CACNA2D3: variants seen among roughly 807,000 people sequenced by gnomAD.
CACNA2D3 encodes voltage-dependent calcium channel subunit alpha-2/delta-3.
CACNA2D3 carries 60 observed loss-of-function variants against 160.6 expected under a neutral mutation model. The ratio of observed to expected loss-of-function variants is 0.37; its 90% CI spans 0.30 to 0.46. CACNA2D3 has a LOEUF of 0.46. CACNA2D3 is among the 20% of genes least tolerant of loss of function. CACNA2D3 has a pLI of 1.00. For synonymous variants in CACNA2D3, 558 were observed against 492.9 expected (o/e 1.13, Z -1.75); for missense variants, 1,205 against 1,365.0 (o/e 0.88, Z 1.85).
At chr3:54,876,548 C>A (rs1699663399) in intron 18 of CACNA2D3, among the ~76,000 whole-genome samples, 1 of 152,156 alleles carries the variant, frequency 6.6e-6, no homozygotes. Context: ...TTTTTAAAAA[C>A]TCAGAAATAA....
chr3:54,237,449 C>T (rs1701901463), intron 2 of CACNA2D3, among the ~76,000 whole-genome samples: 1 of 152,068 alleles, frequency 6.6e-6, no homozygotes, highest in African/African-American at 2.4e-5. Flanking sequence ...TGTGTATTTC[C>T]TGCTAAGCTA....
intron 31 of CACNA2D3, among the ~76,000 whole-genome samples, chr3:54,999,038 G>A (rs964282999): frequency 3.3e-5 from 5 of 152,142 alleles, no homozygotes; most frequent in African/African-American, 4.8e-5. Flanking sequence ...GAGCCACCGC[G>A]CCCGGCCAGC....
chr3:54,302,993 T>C (rs1703514204), intron 2 of CACNA2D3, among the ~76,000 whole-genome samples: 1 of 152,068 alleles, frequency 6.6e-6, no homozygotes, highest in Non-Finnish European at 1.5e-5. Context: ...GTCTCTTGTC[T>C]CTGGTCTTTC....
chr3:54,187,960 G>A (rs778729373), intron 2 of CACNA2D3, among the ~76,000 whole-genome samples: 2 of 151,992 alleles, frequency 1.3e-5, no homozygotes, highest in African/African-American at 2.4e-5. Context: ...AGGATGACCT[G>A]ATGTTTATCA....
intron 13 of CACNA2D3, among the ~76,000 whole-genome samples, chr3:54,791,180 T>C (rs1287202080): frequency 1.3e-5 from 2 of 152,234 alleles, no homozygotes; most frequent in East Asian, 3.9e-4. Flanking sequence ...ATTGATTCCA[T>C]CTTAGGTCCA....
chr3:54,536,925 T>A (rs1188258742), intron 5 of CACNA2D3, among the ~76,000 whole-genome samples: 1 of 152,160 alleles, frequency 6.6e-6, no homozygotes, highest in Non-Finnish European at 1.5e-5. Flanking sequence ...AAGGTGGCTG[T>A]CTCCACCTCA....
Position 54,422,942 on chromosome 3 carries a change from C to T in CACNA2D3, c.381+36168C>T, listed in dbSNP as rs191046621. 3.9e-5 allele frequency among the ~76,000 whole-genome samples: 6 copies of T among 152,206 alleles called. No individual in the cohort carries two copies. In the East Asian group the frequency reaches 9.7e-4, roughly 24 times the overall value. ...AAAGCTAAAGCAACTGTGGCCTATCCGTGGAATGGGACAGCAGGCAGAAAC... is the reference window on the plus strand; with the variant it reads ...AAAGCTAAAGCAACTGTGGCCTATCTGTGGAATGGGACAGCAGGCAGAAAC... On this transcript the variant is annotated intron_variant, in intron 4 of 37. Coordinates refer to ENST00000474759, the MANE Select transcript of CACNA2D3 (RefSeq NM_018398.3).
chr3:54,476,911 A>C (rs1559492828), intron 4 of CACNA2D3, among the ~76,000 whole-genome samples: 1 of 152,232 alleles, frequency 6.6e-6, no homozygotes, highest in Non-Finnish European at 1.5e-5. Flanking sequence ...TAAAGATCCA[A>C]GTGGTTAGTG....
intron 3 of CACNA2D3, among the ~76,000 whole-genome samples, chr3:54,323,259 G>A (rs887097387): frequency 6.6e-6 from 1 of 152,080 alleles, no homozygotes; most frequent in African/African-American, 2.4e-5. Context: ...AGGAAAAGTC[G>A]CTGTTTGCCT....
At chr3:54,314,351 G>A (rs1703815601) in intron 2 of CACNA2D3, among the ~76,000 whole-genome samples, 1 of 152,170 alleles carries the variant, frequency 6.6e-6, no homozygotes, top group Non-Finnish European at 1.5e-5. Context: ...ATAGCGAATT[G>A]TGCCACTATA....
At chr3:54,289,620 A>T (rs1435984024) in intron 2 of CACNA2D3, among the ~76,000 whole-genome samples, 2 of 152,256 alleles carry the variant, frequency 1.3e-5, no homozygotes, top group Non-Finnish European at 2.9e-5. Flanking sequence ...CGCCGAAAGA[A>T]CAAAGCTGGA....
rs150198512 is a variant in CACNA2D3 at position 54,623,240 on chromosome 3, G to A, written c.964-4547G>A. On this transcript the variant is annotated intron_variant, in intron 9 of 37. Transcript: ENST00000474759. ...CCTCCATGTGGGCTTTGCTCTCTGC[G>A]GCTGTTACCTTCATTCAGGTGTGCA... 2.3e-3 allele frequency among the ~76,000 whole-genome samples: 356 copies of A among 152,258 alleles called. 12 individuals are homozygous for A. In the East Asian group the frequency reaches 0.061, roughly 26 times the overall value.
intron 2 of CACNA2D3, among the ~76,000 whole-genome samples, chr3:54,217,649 G>A (rs1701485187): frequency 6.6e-6 from 1 of 152,118 alleles, no homozygotes; most frequent in Middle Eastern, 3.2e-3. Context: ...CTGAGGAACA[G>A]CAAGGAATGC....
At chr3:54,856,215 C>G (rs1371064231) in intron 17 of CACNA2D3, among the ~76,000 whole-genome samples, 1 of 151,796 alleles carries the variant, frequency 6.6e-6, no homozygotes, top group Non-Finnish European at 1.5e-5. Context: ...CACAATGAAA[C>G]AATATGTTAT....
rs1699495210 is a variant in CACNA2D3 at position 54,122,569 on chromosome 3, C to T, written c.-145C>T. On this transcript the variant is annotated 5_prime_UTR_variant, in exon 1 of 38. Coordinates refer to ENST00000474759, the MANE Select transcript of CACNA2D3 (RefSeq NM_018398.3). ...CCCCACCCGCTCCTTTTTCTGCTCC[C>T]CAAGTGAGCCGGGCGCGCGAGAGGC... The T allele has an allele frequency of 5.2e-6, 1 of 190,528 alleles. No individual in the cohort carries two copies. The highest frequency in any genetic ancestry group is 6.8e-5 in the Admixed American group (1 of 14,664). 11.8% of individuals were successfully genotyped at this position (190,528 alleles called of 1,614,324 possible). A position where few individuals can be genotyped will look rare whatever the true frequency, so the allele number is the denominator to read the frequency against.
intron 5 of CACNA2D3, among the ~76,000 whole-genome samples, chr3:54,552,686 T>C (rs1702178206): frequency 6.6e-6 from 1 of 152,162 alleles, no homozygotes; most frequent in African/African-American, 2.4e-5. Context: ...TAAGTGGCCA[T>C]CTCTGCCGCT....
intron 11 of CACNA2D3, among the ~76,000 whole-genome samples, chr3:54,670,413 C>T (rs553159427): frequency 2.0e-5 from 3 of 152,148 alleles, no homozygotes; most frequent in Admixed American, 1.3e-4. Flanking sequence ...AGAAGCTTTG[C>T]GGAGATGGGC....
rs189186595 is a variant in CACNA2D3, at chr3:54,281,126, A to G, written c.205-39316A>G. Among the ~76,000 whole-genome samples, 8 of 152,190 alleles carry G rather than the reference A, an allele frequency of 5.3e-5. No individual in the cohort carries two copies. In the South Asian group the frequency reaches 1.2e-3, roughly 24 times the overall value. ...GGCTCCTAAACAACCTGGAGTGGAG[A>G]GGAGGAGGACAGCACCATGGGGAAG... On this transcript the variant is annotated intron_variant, in intron 2 of 37. Coordinates refer to ENST00000474759, the MANE Select transcript of CACNA2D3 (RefSeq NM_018398.3).
At chr3:54,464,864 C>T (rs573184211) in intron 4 of CACNA2D3, among the ~76,000 whole-genome samples, 33 of 152,338 alleles carry the variant, frequency 2.2e-4, no homozygotes, top group Admixed American at 8.5e-4. Context: ...CCCTCTTCTG[C>T]GTCGCTTACG....
Sources: allele counts gnomAD v4.1 joint callset (sites outside exome capture counted in the v4.1 genomes callset), GRCh38; gene constraint gnomAD v4.1.1; transcripts MANE v1.5; gene names NCBI Gene and HGNC (gene_info 2026-07-23, HGNC 2026-07-21).